Variants in NCKAP5 observed in about 807,000 individuals in gnomAD.
NCKAP5 encodes the protein NCK associated protein 5, also known as nck-associated protein 5.
NCKAP5 carries 92 observed loss-of-function variants against 167.0 expected under a neutral mutation model. The observed-to-expected ratio is 0.55, with a 90% CI of 0.47 to 0.66. The LOEUF (loss-of-function observed/expected upper bound fraction) is 0.66, where lower values mean the gene tolerates loss of function less well. Among genes scored for constraint, NCKAP5 ranks in the 30% least tolerant of loss-of-function variants. The pLI is 0.00. For synonymous variants in NCKAP5, 891 were observed against 877.4 expected, an observed-to-expected ratio of 1.02 and a Z score of -0.27; for missense variants, 2,378 against 2,315.0, an observed-to-expected ratio of 1.03 and a Z score of -0.56.
At chr2:133,210,149 G>A (rs1359300827) in intron 5 of NCKAP5, among the ~76,000 whole-genome samples, 1 of 86,696 alleles carries the variant, frequency 1.2e-5, no homozygotes, top group Admixed American at 1.1e-4. Flanking sequence ...TGGGCAACAA[G>A]AGTGAAACTC....
intron 8 of NCKAP5, among the ~76,000 whole-genome samples, chr2:132,881,549 CCTTT>C (rs1403144497): frequency 7.8e-6 from 1 of 128,630 alleles, no homozygotes; most frequent in Non-Finnish European, 1.6e-5. Flanking sequence ...TTCTTCCTTA[CCTTT>C]CTTTTTTTTT....
At chr2:133,045,874 G>A (rs1353394554) in intron 6 of NCKAP5, among the ~76,000 whole-genome samples, 4 of 152,258 alleles carry the variant, frequency 2.6e-5, no homozygotes, top group East Asian at 1.9e-4. Flanking sequence ...TGACACAGCC[G>A]TTGTGATGTA....
intron 6 of NCKAP5, among the ~76,000 whole-genome samples, chr2:133,109,718 G>T (rs1456577053): frequency 6.6e-6 from 1 of 150,832 alleles, no homozygotes; most frequent in Non-Finnish European, 1.5e-5. Context: ...AAAGTATCAA[G>T]AATTTATTTC....
intron 11 of NCKAP5, among the ~76,000 whole-genome samples, chr2:132,821,282 C>T (rs746220812): frequency 5.3e-5 from 8 of 152,126 alleles, no homozygotes; most frequent in Non-Finnish European, 1.0e-4. Flanking sequence ...AGATCACCCA[C>T]GGGAGAAGGA....
chr2:133,363,632 A>G (rs564025869), intron 3 of NCKAP5, among the ~76,000 whole-genome samples: 1 of 152,334 alleles, frequency 6.6e-6, no homozygotes, highest in South Asian at 2.1e-4. Context: ...TGTGTTGTAC[A>G]GAGATAAGGC....
intron 3 of NCKAP5, among the ~76,000 whole-genome samples, chr2:133,497,873 T>C (rs1682077693): frequency 6.6e-6 from 1 of 152,172 alleles, no homozygotes; most frequent in Non-Finnish European, 1.5e-5. Context: ...CAGAAAAAAC[T>C]ACTGGGGATT....
At chr2:133,064,945 C>T (rs1363675828) in intron 6 of NCKAP5, among the ~76,000 whole-genome samples, 2 of 152,170 alleles carry the variant, frequency 1.3e-5, no homozygotes, top group African/African-American at 4.8e-5. Flanking sequence ...GAAGCAGGCT[C>T]CTTAGCATCT....
chr2:133,075,219 T>C (rs538644391), intron 6 of NCKAP5, among the ~76,000 whole-genome samples: 50 of 152,146 alleles, frequency 3.3e-4, no homozygotes, highest in Non-Finnish European at 6.6e-4. Flanking sequence ...ACTTTTGAAG[T>C]GCTGATAAAT....
chr2:133,519,326 G>T (rs1684283128), intron 2 of NCKAP5, among the ~76,000 whole-genome samples: 1 of 152,206 alleles, frequency 6.6e-6, no homozygotes, highest in Non-Finnish European at 1.5e-5. Context: ...AAAATCCAAA[G>T]TTTTCAATAT....
rs533652785 is a variant in NCKAP5, at chr2:133,509,826, G to A, written c.69+7632C>T. Among the ~76,000 whole-genome samples, 5 of 152,288 alleles carry A rather than the reference G, an allele frequency of 3.3e-5. No individual in the cohort carries two copies. In the South Asian group the frequency reaches 6.2e-4, roughly 19 times the overall value. On this transcript the variant is annotated intron_variant, in intron 3 of 19. Transcript: ENST00000409261. ...TCAGGTCCAAACTGTCGATAGTGTCGAGGCTGGGAAACCCTGTTCTAGAGC... is the reference window on the plus strand; with the variant it reads ...TCAGGTCCAAACTGTCGATAGTGTCAAGGCTGGGAAACCCTGTTCTAGAGC...
intron 6 of NCKAP5, among the ~76,000 whole-genome samples, chr2:133,056,337 A>G (rs573509891): frequency 1.3e-5 from 2 of 152,262 alleles, no homozygotes; most frequent in East Asian, 3.9e-4. Flanking sequence ...ATTAGTTTCA[A>G]ATGATCTTAT....
chr2:133,428,065 A>T (rs900765652), intron 3 of NCKAP5, among the ~76,000 whole-genome samples: 1 of 152,138 alleles, frequency 6.6e-6, no homozygotes, highest in African/African-American at 2.4e-5. Flanking sequence ...TCTAATAAGA[A>T]TTACAACAGG....
intron 3 of NCKAP5, among the ~76,000 whole-genome samples, chr2:133,498,469 AGG>A (rs1682154298): frequency 4.4e-5 from 6 of 136,024 alleles, no homozygotes; most frequent in Non-Finnish European, 7.8e-5. Flanking sequence ...GAAGGAAGGA[AGG>A]AAGGAAGGAA....
At chr2:133,005,551 A>C (rs2077935418) in intron 6 of NCKAP5, among the ~76,000 whole-genome samples, 1 of 152,242 alleles carries the variant, frequency 6.6e-6, no homozygotes, top group African/African-American at 2.4e-5. Flanking sequence ...TTCCACAAAT[A>C]CATGGAGCAT....
chr2:133,095,390 G>C (rs1438338364), intron 6 of NCKAP5, among the ~76,000 whole-genome samples: 1 of 152,110 alleles, frequency 6.6e-6, no homozygotes, highest in Admixed American at 6.6e-5. Context: ...TAGAATTTGG[G>C]TCAGGCTCGT....
intron 6 of NCKAP5, among the ~76,000 whole-genome samples, chr2:133,091,789 A>C (rs2081194022): frequency 6.6e-6 from 1 of 152,168 alleles, no homozygotes; most frequent in South Asian, 2.1e-4. Context: ...CGGGAGGCTG[A>C]GGCAGGAGAA....
intron 5 of NCKAP5, among the ~76,000 whole-genome samples, chr2:133,178,451 G>T (rs1474384718): frequency 7.4e-6 from 1 of 135,162 alleles, no homozygotes; most frequent in Non-Finnish European, 1.5e-5. Flanking sequence ...GTTGTAGTGA[G>T]CCAAGATCAG....
the NCKAP5 span, among the ~76,000 whole-genome samples, chr2:133,666,059 G>T: frequency 6.6e-6 from 1 of 151,722 alleles, no homozygotes; most frequent in Admixed American, 6.6e-5. Flanking sequence ...TCTAGCTTTT[G>T]TTTGTATGCA....
intron 3 of NCKAP5, among the ~76,000 whole-genome samples, chr2:133,392,161 TTC>T (rs2150992502): frequency 6.6e-6 from 1 of 152,384 alleles, no homozygotes; most frequent in East Asian, 1.9e-4. Flanking sequence ...AGACCACATA[TTC>T]AATGGTAGTC....
Sources: allele counts gnomAD v4.1 joint callset (sites outside exome capture counted in the v4.1 genomes callset), GRCh38; gene constraint gnomAD v4.1.1; transcripts MANE v1.5; gene names NCBI Gene and HGNC (gene_info 2026-07-23, HGNC 2026-07-21).